LIPI: variants seen among roughly 807,000 people sequenced by gnomAD.
The protein encoded by LIPI is lipase member I.
In LIPI, 59 loss-of-function variants were observed where a neutral mutation model predicts 50.6. The ratio of observed to expected loss-of-function variants is 1.16; its 90% CI spans 0.94 to 1.45. The LOEUF is 1.45. Ranked by LOEUF, LIPI falls within the 40% of genes most tolerant of loss-of-function variation. The pLI, the probability that LIPI is intolerant of heterozygous loss-of-function variation, is 0.00. For synonymous variants in LIPI, 203 were observed against 178.2 expected, an observed-to-expected ratio of 1.14 and a Z score of -1.11; for missense variants, 586 against 536.3, an observed-to-expected ratio of 1.09 and a Z score of -0.92.
At chr21:14,184,523 G>A (rs1220924414) in intron 3 of LIPI, among the ~76,000 whole-genome samples, 1 of 151,700 alleles carries the variant, frequency 6.6e-6, no homozygotes, top group African/African-American at 2.4e-5. Context: ...AAAATTCCTA[G>A]AAAAAAAGTA....
At chr21:14,166,322 C>A (rs200027677) in intron 5 of LIPI, 40 bp downstream of exon 5, 6 of 1,087,526 alleles carry the variant, frequency 5.5e-6, no homozygotes, top group South Asian at 1.2e-5. Flanking sequence ...TTCATCATTT[C>A]GAATATTATG....
intron 9 of LIPI, among the ~76,000 whole-genome samples, chr21:14,111,306 A>G (rs1042821716): frequency 1.3e-5 from 2 of 151,998 alleles, no homozygotes; most frequent in South Asian, 4.1e-4. Flanking sequence ...GTGATAGCTC[A>G]TTGTGGTTTT....
At chr21:14,135,770 C>G (rs955676888) in intron 9 of LIPI, among the ~76,000 whole-genome samples, 1 of 152,056 alleles carries the variant, frequency 6.6e-6, no homozygotes, top group African/African-American at 2.4e-5. Flanking sequence ...TAGGGCTGAA[C>G]TAGGCCCAGA....
At chr21:14,126,494 T>C (rs754435652) in intron 9 of LIPI, among the ~76,000 whole-genome samples, 2 of 152,194 alleles carry the variant, frequency 1.3e-5, no homozygotes, top group Non-Finnish European at 2.9e-5. Flanking sequence ...TCTACATCCA[T>C]GGATTCAACC....
At chr21:14,124,415 C>T (rs2016976892) in intron 9 of LIPI, among the ~76,000 whole-genome samples, 2 of 152,106 alleles carry the variant, frequency 1.3e-5, no homozygotes, top group South Asian at 2.1e-4. Flanking sequence ...CCACCTCCCC[C>T]GACCCCGCCC....
At chr21:14,143,043 C>T (rs931853372) in intron 9 of LIPI, among the ~76,000 whole-genome samples, 2 of 152,024 alleles carry the variant, frequency 1.3e-5, no homozygotes, top group African/African-American at 4.8e-5. Context: ...GCGAAATATG[C>T]CTACTCCACA....
intron 4 of LIPI, 74 bp downstream of exon 4, chr21:14,181,684 G>C (rs1418296591): frequency 8.7e-6 from 7 of 800,956 alleles, no homozygotes; most frequent in Non-Finnish European, 1.1e-5. Flanking sequence ...TTCTTCTTAT[G>C]CCCTCCTCTT....
intron 9 of LIPI, among the ~76,000 whole-genome samples, chr21:14,112,872 T>C (rs1029306412): frequency 1.3e-5 from 2 of 152,194 alleles, no homozygotes; most frequent in Non-Finnish European, 2.9e-5. Context: ...TTATTCCTAA[T>C]ATTCTTTTAA....
intron 3 of LIPI, among the ~76,000 whole-genome samples, chr21:14,183,263 G>A (rs1372446895): frequency 6.6e-6 from 1 of 152,064 alleles, no homozygotes; most frequent in African/African-American, 2.4e-5. Context: ...GGGAAAACTG[G>A]CTAGCCATAT....
chr21:14,207,765 T>G (rs2020263694), intron 1 of LIPI, among the ~76,000 whole-genome samples: 1 of 152,194 alleles, frequency 6.6e-6, no homozygotes. Flanking sequence ...CTGGAAATTA[T>G]CTAAAAGAAT....
At chr21:14,135,638 A>G (rs2017468467) in intron 9 of LIPI, among the ~76,000 whole-genome samples, 1 of 152,174 alleles carries the variant, frequency 6.6e-6, no homozygotes, top group South Asian at 2.1e-4. Flanking sequence ...GGAATCAGCA[A>G]TCCCAGTAGC....
intron 8 of LIPI, among the ~76,000 whole-genome samples, chr21:14,148,050 A>C (rs2017966021): frequency 6.6e-6 from 1 of 152,174 alleles, no homozygotes; most frequent in Non-Finnish European, 1.5e-5. Flanking sequence ...TTGGCATATT[A>C]ATATATCTGG....
intron 9 of LIPI, among the ~76,000 whole-genome samples, chr21:14,114,950 T>C (rs933770336): frequency 6.6e-6 from 1 of 152,214 alleles, no homozygotes; most frequent in South Asian, 2.1e-4. Flanking sequence ...CAGTGCATGG[T>C]AGAAGATGGC....
At chr21:14,134,309 T>C (rs747573554) in intron 9 of LIPI, among the ~76,000 whole-genome samples, 11 of 151,916 alleles carry the variant, frequency 7.2e-5, no homozygotes, top group African/African-American at 2.7e-4. Context: ...CACAAACAAA[T>C]GGAAAATGGC....
At chr21:14,182,017 T>C (rs381352) in intron 3 of LIPI, among the ~76,000 whole-genome samples, 158 bp from the exon 4 acceptor site, 20,998 of 152,234 alleles carry the variant, frequency 0.14, 1,916 homozygotes, top group Non-Finnish European at 0.2. Context: ...AGTGAATGAA[T>C]AGCAGGTAAC....
Position 14,109,035 on chromosome 21 carries a change from T to C in LIPI, c.1341A>G (p.Glu447=). The part of the protein sequence containing the change: ...RYNIVLKDRE[E]VFLNPNTCTP... ...TACATGTGTTTGGATTAAGAAACAC[T>C]TCCTCTCTGTCTTTAAGTACAATAT... The change falls in exon 10 of 10, where the codon GAA becomes GAG. Residue 447 remains glutamate, a synonymous_variant. Transcript: ENST00000681601. The C allele has an allele frequency of 1.3e-6, 2 of 1,595,834 alleles. No individual in the cohort carries two copies. The highest frequency in any genetic ancestry group is 1.7e-6 in the Non-Finnish European group (2 of 1,163,694).
chr21:14,202,586 G>C (rs949548713), intron 1 of LIPI, among the ~76,000 whole-genome samples: 176 of 152,198 alleles, frequency 1.2e-3, no homozygotes, highest in African/African-American at 4.0e-3. Flanking sequence ...ATGGGGAAAG[G>C]ATTCCCTATT....
intron 9 of LIPI, among the ~76,000 whole-genome samples, chr21:14,139,734 T>G (rs976499369): frequency 1.3e-5 from 2 of 152,116 alleles, no homozygotes; most frequent in African/African-American, 4.8e-5. Flanking sequence ...ATGATAAAAG[T>G]AGGCTTCATT....
chr21:14,194,285 G>T (rs2019771924), intron 1 of LIPI, among the ~76,000 whole-genome samples: 1 of 152,092 alleles, frequency 6.6e-6, no homozygotes, highest in African/African-American at 2.4e-5. Flanking sequence ...ATATTATCCA[G>T]CAATTCCACT....
Sources: gnomAD v4.1 joint callset for allele counts (sites outside exome capture counted in the v4.1 genomes callset) on GRCh38, gnomAD v4.1.1 for gene constraint, MANE v1.5 for transcripts, NCBI Gene and HGNC (gene_info 2026-07-23, HGNC 2026-07-21) for gene names.